The following ZNF69 variants were observed in gnomAD, a reference collection of about 807,000 sequenced individuals.
ZNF69 encodes the protein ZNF3.
ZNF69 carries 47 observed loss-of-function variants against 50.9 expected under a neutral mutation model. That is an observed-to-expected ratio of 0.92 (90% CI 0.73 to 1.18). The LOEUF is 1.18. Ranked by LOEUF, ZNF69 falls within the 50% of genes most tolerant of loss-of-function variation. The pLI, the probability that ZNF69 is intolerant of heterozygous loss-of-function variation, is 0.00. For missense variants in ZNF69, 717 were observed against 675.1 expected (o/e 1.06, Z -0.69); for synonymous variants, 216 against 223.1 (o/e 0.97, Z 0.29).
At chr19:11,948,605 A>G in the ZNF69 span, 32 of 1,610,464 alleles carry the variant, frequency 2.0e-5, no homozygotes, top group Non-Finnish European at 2.6e-5. Context: ...GAGAAACCCT[A>G]TGCTTGTAAA....
chr19:11,941,981 C>CA, the ZNF69 span, among the ~76,000 whole-genome samples: 2 of 280 alleles, frequency 7.1e-3, no homozygotes, highest in Non-Finnish European at 0.014. Flanking sequence ...GTGCTTATTA[C>CA]ACCTGGTATC....
chr19:11,978,111 G>T, the ZNF69 span: 3 of 1,608,632 alleles, frequency 1.9e-6, no homozygotes, highest in Non-Finnish European at 2.5e-6. Context: ...TCTCACTTTT[G>T]ACAGGAGTCT....
chr19:11,962,274 C>T, the ZNF69 span, among the ~76,000 whole-genome samples: 2 of 152,196 alleles, frequency 1.3e-5, no homozygotes, highest in Non-Finnish European at 2.9e-5. Context: ...AAAAATTAGC[C>T]GGGCATGATA....
At chr19:11,937,120 T>C in the ZNF69 span, among the ~76,000 whole-genome samples, 2 of 152,230 alleles carry the variant, frequency 1.3e-5, no homozygotes, top group Non-Finnish European at 2.9e-5. Context: ...TCACAGATCA[T>C]GCTTTTTGTG....
At chr19:11,896,179 A>G (rs1188813442) in intron 1 of ZNF69, among the ~76,000 whole-genome samples, 3 of 140,652 alleles carry the variant, frequency 2.1e-5, no homozygotes, top group Non-Finnish European at 4.5e-5. Flanking sequence ...AGATCACACC[A>G]TTGCTCTCCA....
the ZNF69 span, among the ~76,000 whole-genome samples, chr19:11,952,243 C>T: frequency 1.3e-5 from 2 of 152,070 alleles, no homozygotes. Flanking sequence ...CCGGGTTTTG[C>T]CTTACTTATT....
chr19:11,954,471 G>A, the ZNF69 span, among the ~76,000 whole-genome samples: 16 of 152,302 alleles, frequency 1.1e-4, no homozygotes, highest in East Asian at 3.1e-3. Context: ...TCCCAGCTCA[G>A]CCTCCCAAAG....
the ZNF69 span, among the ~76,000 whole-genome samples, chr19:11,960,354 C>G: frequency 6.6e-6 from 1 of 152,226 alleles, no homozygotes; most frequent in African/African-American, 2.4e-5. Context: ...CAACCTTGCT[C>G]TGTAGCCCAG....
chr19:11,934,671 C>T, the ZNF69 span, among the ~76,000 whole-genome samples: 1 of 147,254 alleles, frequency 6.8e-6, no homozygotes, highest in Admixed American at 6.7e-5. Flanking sequence ...GGATTACAGG[C>T]GTGCGCTGCC....
intron 4 of ZNF69, among the ~76,000 whole-genome samples, chr19:11,912,861 T>C (rs768910628): frequency 2.0e-5 from 3 of 152,242 alleles, no homozygotes; most frequent in Non-Finnish European, 4.4e-5. Flanking sequence ...ATTAACTGTT[T>C]GTAATAACTG....
chr19:11,959,303 T>C, the ZNF69 span, among the ~76,000 whole-genome samples: 1 of 152,236 alleles, frequency 6.6e-6, no homozygotes, highest in African/African-American at 2.4e-5. Context: ...TAAGCTGTTT[T>C]ATGCCAAGTC....
chr19:11,966,630 T>TC, the ZNF69 span, among the ~76,000 whole-genome samples: 1 of 152,168 alleles, frequency 6.6e-6, no homozygotes, highest in African/African-American at 2.4e-5. Context: ...TGCCTCGGCC[T>TC]CCCAGTGTGC....
At chr19:11,932,883 T>C in the ZNF69 span, among the ~76,000 whole-genome samples, 5 of 148,322 alleles carry the variant, frequency 3.4e-5, 1 homozygote, top group Non-Finnish European at 7.4e-5. Flanking sequence ...GTGATCCGCC[T>C]GCCTCAGCCT....
the ZNF69 span, chr19:11,924,955 C>G: frequency 2.3e-6 from 1 of 430,190 alleles, no homozygotes. Context: ...GAAGCTGTGG[C>G]TAGAATCCGT....
Position 11,905,981 on chromosome 19 carries a change from C to G in ZNF69, c.1584C>G (p.His528Gln), listed in dbSNP as rs1264596494. 1 of 1,614,116 alleles carries G rather than the reference C, an allele frequency of 6.2e-7. No individual in the cohort carries two copies. Among genetic ancestry groups the G allele is most frequent in the Admixed American group, 1.7e-5 (1 of 60,006 alleles). ...SSSFRYHERT[H>Q]TGEKPYKCKQ... ...CCTTTCGATACCATGAAAGGACTCA[C>G]ACTGGAGAGAAACCCTATAAATGCA... Residue 528 changes from histidine (H) to glutamine (Q), a missense_variant, in exon 4 of 4, where the codon CAC (histidine) becomes CAG (glutamine). His to Gln is a conservative substitution (Grantham distance 24). Coordinates refer to ENST00000429654, the MANE Select transcript of ZNF69 (RefSeq NM_001364730.1).
chr19:11,924,292 C>T, the ZNF69 span, among the ~76,000 whole-genome samples: 2 of 151,980 alleles, frequency 1.3e-5, no homozygotes, highest in South Asian at 2.1e-4. Context: ...ATTAGCCGGG[C>T]GTGGTGGCGG....
the ZNF69 span, among the ~76,000 whole-genome samples, chr19:11,945,094 T>C: frequency 6.6e-6 from 1 of 152,250 alleles, no homozygotes; most frequent in Non-Finnish European, 1.5e-5. Flanking sequence ...CTGCCTTTTT[T>C]TCTTTTTCTG....
chr19:11,916,318 C>A (rs1483361075), downstream of ZNF69, among the ~76,000 whole-genome samples: 1 of 151,794 alleles, frequency 6.6e-6, no homozygotes, highest in African/African-American at 2.4e-5. Flanking sequence ...AGGGGTCAGT[C>A]AAAAATTCAG....
the ZNF69 span, among the ~76,000 whole-genome samples, chr19:11,921,261 C>A: frequency 6.6e-6 from 1 of 151,974 alleles, no homozygotes; most frequent in Non-Finnish European, 1.5e-5. Flanking sequence ...GCAGAAACTC[C>A]TAGGCCCAAG....
Sources: gnomAD v4.1 joint callset for allele counts (sites outside exome capture counted in the v4.1 genomes callset) on GRCh38, gnomAD v4.1.1 for gene constraint, MANE v1.5 for transcripts, NCBI Gene and HGNC (gene_info 2026-07-23, HGNC 2026-07-21) for gene names.